GMDS: variants seen among roughly 807,000 people sequenced by gnomAD.
The protein encoded by GMDS is GDP-mannose 4,6 dehydratase.
A neutral mutation model predicts 49.9 loss-of-function variants in GMDS; 20 were observed. The ratio of observed to expected loss-of-function variants is 0.40; its 90% CI spans 0.28 to 0.58. The LOEUF (loss-of-function observed/expected upper bound fraction) is 0.58. Among genes scored for constraint, GMDS ranks in the 20% least tolerant of loss-of-function variants. The pLI is 0.42. For synonymous variants in GMDS, 177 were observed against 178.6 expected, an observed-to-expected ratio of 0.99 and a Z score of 0.07; for missense variants, 362 against 481.4, an observed-to-expected ratio of 0.75 and a Z score of 2.32.
intron 7 of GMDS, among the ~76,000 whole-genome samples, chr6:1,831,701 G>T (rs1270206866): frequency 3.9e-5 from 6 of 152,022 alleles, no homozygotes; most frequent in Non-Finnish European, 5.9e-5. Context: ...GCACCTGTAG[G>T]GATTATTTAT....
At chr6:1,961,257 C>A (rs549560758) in intron 4 of GMDS, among the ~76,000 whole-genome samples, 2 of 152,210 alleles carry the variant, frequency 1.3e-5, no homozygotes, top group East Asian at 3.9e-4. Context: ...TAGGGCAAAC[C>A]CTATTCCTCA....
chr6:1,874,344 T>C lies in GMDS; in HGVS notation c.771+55759A>G, dbSNP rs3800111. Reference sequence around the variant, plus strand: ...TACACTTTCCATTTTTCCTCCCTAATACTCCTTAGTAAAAAGAGAGTTGGT... The same window carrying C: ...TACACTTTCCATTTTTCCTCCCTAACACTCCTTAGTAAAAAGAGAGTTGGT... On this transcript the variant is annotated intron_variant, in intron 7 of 10. Transcript: ENST00000380815. Among the ~76,000 whole-genome samples the C allele has an allele frequency of 3.4e-3, 520 of 152,336 alleles. 19 individuals are homozygous for C. In the East Asian group the frequency reaches 0.088, roughly 26 times the overall value.
chr6:1,650,100 T>C (rs919854279), intron 9 of GMDS, among the ~76,000 whole-genome samples: 1 of 152,228 alleles, frequency 6.6e-6, no homozygotes, highest in Non-Finnish European at 1.5e-5. Context: ...CGTAATCATC[T>C]AGGTTCCCTC....
intron 4 of GMDS, among the ~76,000 whole-genome samples, chr6:1,999,939 T>TATA (rs1266166832): frequency 1.2e-4 from 8 of 64,712 alleles, no homozygotes; most frequent in South Asian, 5.1e-4. Context: ...TATTATTATA[T>TATA]ATAATATATA....
intron 1 of GMDS, among the ~76,000 whole-genome samples, chr6:2,158,036 AG>A (rs989752127): frequency 1.3e-5 from 2 of 152,142 alleles, no homozygotes; most frequent in African/African-American, 4.8e-5. Context: ...AACAAACCTC[AG>A]CCCCCAAAAC....
At position 1,846,193 on chromosome 6, in the gene GMDS, A is replaced by T. The variant is rs191493539; in HGVS notation, c.771+83910T>A. ...ATGCAGCCTCAACCTCCCAGGCTCA[A>T]GTGATCCTCCCACCACAGCCTCCCA... On this transcript the variant is annotated intron_variant, in intron 7 of 10. Transcript: ENST00000380815. Among the ~76,000 whole-genome samples the T allele has an allele frequency of 3.4e-4, 52 of 151,630 alleles. No individual in the cohort carries two copies. In the East Asian group the frequency reaches 9.4e-3, roughly 27 times the overall value.
chr6:1,951,002 T>C (rs911715355), intron 6 of GMDS, among the ~76,000 whole-genome samples: 4 of 152,120 alleles, frequency 2.6e-5, no homozygotes, highest in South Asian at 4.1e-4. Flanking sequence ...CCCTCCTCCG[T>C]TGGGACAAGA....
chr6:1,789,532 C>CTTTT (rs59996305), intron 7 of GMDS, among the ~76,000 whole-genome samples: 1 of 141,266 alleles, frequency 7.1e-6, no homozygotes, highest in Non-Finnish European at 1.6e-5. Flanking sequence ...TTTCTTTTTT[C>CTTTT]TTTTTTTTTT....
At chr6:1,881,412 A>G (rs1358829728) in intron 7 of GMDS, among the ~76,000 whole-genome samples, 4 of 152,226 alleles carry the variant, frequency 2.6e-5, no homozygotes, top group Non-Finnish European at 4.4e-5. Context: ...AAAGAAAGAA[A>G]GATTGAAAAT....
At chr6:2,199,270 T>C (rs1250127309) in intron 1 of GMDS, among the ~76,000 whole-genome samples, 1 of 152,236 alleles carries the variant, frequency 6.6e-6, no homozygotes, top group Non-Finnish European at 1.5e-5. Context: ...GTTTTATGGA[T>C]GGCAACAAAG....
intron 1 of GMDS, among the ~76,000 whole-genome samples, chr6:2,143,242 T>A (rs1324610671): frequency 6.6e-6 from 1 of 152,238 alleles, no homozygotes. Context: ...CAAACCTGTA[T>A]CACCAGCTTG....
At chr6:2,100,106 C>A (rs2127484931) in intron 4 of GMDS, among the ~76,000 whole-genome samples, 1 of 152,114 alleles carries the variant, frequency 6.6e-6, no homozygotes, top group African/African-American at 2.4e-5. Context: ...GTTTGTTTTA[C>A]ATGATTATAA....
chr6:1,746,081 C>T (rs112206407), intron 7 of GMDS, among the ~76,000 whole-genome samples: 2 of 152,204 alleles, frequency 1.3e-5, no homozygotes, highest in Non-Finnish European at 2.9e-5. Flanking sequence ...CAAAAGTTCA[C>T]CCGTTCTCAC....
At chr6:1,813,080 G>A (rs767918989) in intron 7 of GMDS, among the ~76,000 whole-genome samples, 1 of 151,606 alleles carries the variant, frequency 6.6e-6, no homozygotes, top group African/African-American at 2.4e-5. Context: ...TAATTAGCTG[G>A]GTCTGGTGGT....
intron 7 of GMDS, among the ~76,000 whole-genome samples, chr6:1,842,725 C>T (rs1170925307): frequency 1.3e-5 from 2 of 152,054 alleles, no homozygotes; most frequent in East Asian, 3.9e-4. Flanking sequence ...TAAAAATATC[C>T]TATTTTGAGG....
intron 3 of GMDS, among the ~76,000 whole-genome samples, chr6:2,116,134 T>A (rs113516859): frequency 6.6e-6 from 1 of 152,176 alleles, no homozygotes; most frequent in Non-Finnish European, 1.5e-5. Flanking sequence ...AAGCACAGTA[T>A]CACGAACATG....
chr6:1,957,935 T>C (rs567488723), intron 6 of GMDS, among the ~76,000 whole-genome samples: 2 of 152,090 alleles, frequency 1.3e-5, no homozygotes, highest in African/African-American at 4.8e-5. Flanking sequence ...CCCGAGTAGC[T>C]AGGACTTCAG....
In GMDS at chr6:1,754,503, G is replaced by A. The variant is rs148647818; in HGVS notation, c.772-11917C>T. 7.2e-4 allele frequency among the ~76,000 whole-genome samples: 109 copies of A among 152,284 alleles called. 3 individuals are homozygous for A. In the East Asian group the frequency reaches 0.019, roughly 26 times the overall value. ...GAAACTATTCCAAGCAAGAGAAAAA[G>A]AAGGAATCCTCCTTAACTCATTTTA... is the stretch of plus-strand genomic sequence containing the variant. On this transcript the variant is annotated intron_variant, in intron 7 of 10. Coordinates refer to ENST00000380815, the MANE Select transcript of GMDS (RefSeq NM_001500.4).
intron 8 of GMDS, among the ~76,000 whole-genome samples, chr6:1,727,991 T>C (rs190996051): frequency 4.8e-4 from 73 of 152,362 alleles, no homozygotes; most frequent in African/African-American, 1.7e-3. Flanking sequence ...ATTAGATCAA[T>C]TTGGCAGGTC....
Sources: gnomAD v4.1 joint callset for allele counts (sites outside exome capture counted in the v4.1 genomes callset) on GRCh38, gnomAD v4.1.1 for gene constraint, MANE v1.5 for transcripts, NCBI Gene and HGNC (gene_info 2026-07-23, HGNC 2026-07-21) for gene names.